The following KDM5C variants were observed in gnomAD, a reference collection of about 807,000 sequenced individuals.
KDM5C encodes lysine demethylase 5C.
A neutral mutation model predicts 110.6 loss-of-function variants in KDM5C; 16 were observed. The ratio of observed to expected loss-of-function variants is 0.14; its 90% CI spans 0.10 to 0.22. KDM5C has a LOEUF of 0.22. Ranked by LOEUF, KDM5C falls within the 10% of genes least tolerant of loss-of-function variation. The pLI, the probability that KDM5C is intolerant of heterozygous loss-of-function variation, is 1.00. For missense variants in KDM5C, 681 were observed against 1,300.9 expected, an observed-to-expected ratio of 0.52 and a Z score of 7.33; for synonymous variants, 511 against 520.4, an observed-to-expected ratio of 0.98 and a Z score of 0.24.
At chrX:53,208,146 A>G (rs2073413511) in intron 12 of KDM5C, among the ~76,000 whole-genome samples, 1 of 108,143 alleles carries the variant, frequency 9.2e-6, no homozygotes, top group African/African-American at 3.4e-5. Flanking sequence ...CATAAAAATC[A>G]CAGATACTTG....
Position 53,194,730 on chromosome X carries a change from G to A in KDM5C, c.3447C>T (p.Ala1149=). Reference sequence around the variant, plus strand: ...TCTCCTTCTGTTCCCCCTCCTTGAAGGCCACGATCTGCCATACCCAGGACA... The same window carrying A: ...TCTCCTTCTGTTCCCCCTCCTTGAAAGCCACGATCTGCCATACCCAGGACA... ...DLRDPGSVIV[A]FKEGEQKEKE... The change falls in exon 23 of 26, where the codon GCC becomes GCT. Residue 1149 remains alanine (A), a synonymous_variant. Coordinates refer to ENST00000375401, the MANE Select transcript of KDM5C (RefSeq NM_004187.5). 4 of 1,210,373 alleles carry A rather than the reference G, an allele frequency of 3.3e-6. No individual in the cohort carries two copies. The highest frequency in any genetic ancestry group is 4.5e-6 in the Non-Finnish European group (4 of 895,134).
At position 53,210,342 on chromosome X, in the gene KDM5C, C is replaced by T. The variant is rs782070281; in HGVS notation, c.1746+72G>A. ...GGGGCAGAATACAGATGACAACCAC[C>T]GCCACCACCACCATCACAAAGGACA... On this transcript the variant is annotated intron_variant, in intron 12 of 25. Transcript: ENST00000375401. 113 of 1,158,441 alleles carry T rather than the reference C, an allele frequency of 9.8e-5. No homozygotes were observed. In the African/African-American group the frequency reaches 1.7e-3, roughly 17 times the overall value.
Position 53,224,942 on chromosome X carries a change from A to C in KDM5C, c.-53T>G, listed in dbSNP as rs1405977013. The C allele has an allele frequency of 8.8e-7, 1 of 1,132,610 alleles. No individual in the cohort carries two copies. The allele number at this position is 1,132,610 out of a possible 1,213,427, so 93.3% of individuals were successfully genotyped here. A position where few individuals can be genotyped will look rare whatever the true frequency, so the allele number is the denominator to read the frequency against. The stretch of plus-strand genomic sequence containing the variant: ...CGGGAGGCTTGGACCGCCCTTAAGG[A>C]CTCATGGCGCCGCCGCTGTTTGAAG... On this transcript the variant is annotated 5_prime_UTR_variant, in exon 1 of 26. Transcript: ENST00000375401.
At position 53,196,753 on chromosome X, in the gene KDM5C, C is replaced by T. The variant is rs1193789155; in HGVS notation, c.2914G>A (p.Glu972Lys). Reference protein sequence around the residue: ...PSPAVDKAQAELQELLTIAER... With the variant: ...PSPAVDKAQAKLQELLTIAER... ...GCAATGGTCAGCAGTTCCTGCAGCT[C>T]GGCCTGGGCTTTATCCACAGCAGGG... Residue 972 changes from glutamate to lysine, a missense_variant, in exon 19 of 26, where the codon GAG becomes AAG. Around this residue, in one of 14 missense-constraint regions of KDM5C, gnomAD observed 66 missense variants for 162.9 expected, o/e 0.41. Coordinates refer to ENST00000375401, the MANE Select transcript of KDM5C (RefSeq NM_004187.5). 3 of 1,211,352 alleles carry T rather than the reference C, an allele frequency of 2.5e-6. No individual in the cohort carries two copies. The highest frequency in any genetic ancestry group is 1.7e-5 in the African/African-American group (1 of 57,587).
At chrX:53,186,135 T>C (rs111806492) in intron 25 of KDM5C, among the ~76,000 whole-genome samples, 2,299 of 111,670 alleles carry the variant, frequency 0.021, 47 homozygotes, top group African/African-American at 0.064. Context: ...CATGAAGTTT[T>C]GATCTGAGTC....
chrX:53,209,085 G>A (rs930969758), intron 12 of KDM5C, among the ~76,000 whole-genome samples: 2 of 110,755 alleles, frequency 1.8e-5, no homozygotes, highest in African/African-American at 3.3e-5. Flanking sequence ...CCAAAGTGCT[G>A]GGATTACAGG....
chrX:53,218,511 AG>A (rs2073810185), intron 2 of KDM5C, 113 bp from the exon 3 acceptor site: 1 of 885,240 alleles, frequency 1.1e-6, no homozygotes, highest in East Asian at 3.1e-5. Flanking sequence ...TTCACTACCC[AG>A]GGTTTCTCCC....
At chrX:53,191,266 A>C (rs1166269437), downstream of KDM5C, 2 of 169,459 alleles carry the variant, frequency 1.2e-5, no homozygotes, top group Non-Finnish European at 2.3e-5. Flanking sequence ...CTACTATGGG[A>C]CCATTAATGG....
chrX:53,194,222 G>T lies in KDM5C; in HGVS notation c.3955C>A (p.Pro1319Thr). ...TAGTTAGGAGGCTCCTCAGGTCTAG[G>T]TTCAGCCTGTAGCCGTTGGCGGAGC... Reference protein sequence around the residue: ...AELRQRLQAEPRPEEPPNYPA... With the variant: ...AELRQRLQAETRPEEPPNYPA... The change falls in exon 23 of 26, where the codon CCT (proline) becomes ACT (threonine). Residue 1319 changes from proline (P) to threonine (T), a missense_variant. Transcript: ENST00000375401. 8.3e-7 allele frequency: 1 copy of T among 1,211,739 alleles called. No individual in the cohort carries two copies. The highest frequency in any genetic ancestry group is 1.1e-6 in the Non-Finnish European group (1 of 895,298).
chrX:53,195,440 T>C (rs1388164317), intron 20 of KDM5C, 30 bp from the exon 21 acceptor site: 2 of 1,161,213 alleles, frequency 1.7e-6, no homozygotes, highest in Admixed American at 4.6e-5. Context: ...ACAGCTCAGT[T>C]CAACTTGCCA....
chrX:53,213,491 G>A (rs1192951964), intron 8 of KDM5C, among the ~76,000 whole-genome samples: 1 of 111,730 alleles, frequency 9.0e-6, no homozygotes, highest in Non-Finnish European at 1.9e-5. Flanking sequence ...GAGAATTTGG[G>A]TGAAGGTAGG....
chrX:53,183,870 G>A (rs1048974773), intron 25 of KDM5C, among the ~76,000 whole-genome samples: 3 of 111,806 alleles, frequency 2.7e-5, no homozygotes, highest in Non-Finnish European at 5.6e-5. Flanking sequence ...ACCGCACCCC[G>A]CTAGCTTTTT....
chrX:53,218,472 G>A, intron 2 of KDM5C, 74 bp from the exon 3 acceptor site: 5 of 1,099,809 alleles, frequency 4.5e-6, no homozygotes, highest in Non-Finnish European at 6.3e-6. Context: ...AGTCTTAGGG[G>A]AGAACAGAGG....
intron 12 of KDM5C, among the ~76,000 whole-genome samples, chrX:53,205,637 C>T (rs116253736): frequency 0.1 from 11,474 of 111,843 alleles, 1,427 homozygotes; most frequent in African/African-American, 0.36. Context: ...CAAAACCTTT[C>T]CTGATAACCC....
intron 12 of KDM5C, among the ~76,000 whole-genome samples, chrX:53,203,715 GTA>G (rs1165795780): frequency 9.2e-6 from 1 of 108,169 alleles, no homozygotes; most frequent in Non-Finnish European, 1.9e-5. Context: ...CCTAGCCTCT[GTA>G]TCTCCAAGTT....
At chrX:53,187,653 C>G (rs928380536), downstream of KDM5C, among the ~76,000 whole-genome samples, 50 of 111,541 alleles carry the variant, frequency 4.5e-4, no homozygotes, top group African/African-American at 1.5e-3. Context: ...GCCTGTAATC[C>G]CAGCACTTTG....
chrX:53,224,730 C>T lies in KDM5C; in HGVS notation c.150+10G>A. 2 of 1,211,556 alleles carry T rather than the reference C, an allele frequency of 1.7e-6. No homozygotes were observed. Among genetic ancestry groups the T allele is most frequent in the Non-Finnish European group, 2.2e-6 (2 of 895,182 alleles). Reference sequence around the variant, plus strand: ...TCTCGCCGCCGGCGAAAACCGGCCCCGGGGCTTACCGCGGGTGGGCGGATC... The same window carrying T: ...TCTCGCCGCCGGCGAAAACCGGCCCTGGGGCTTACCGCGGGTGGGCGGATC... On this transcript the variant is annotated intron_variant, in intron 1 of 25. Transcript: ENST00000375401.
chrX:53,191,102 T>C (rs1382882388), downstream of KDM5C, among the ~76,000 whole-genome samples: 2 of 111,790 alleles, frequency 1.8e-5, no homozygotes, highest in African/African-American at 6.5e-5. Flanking sequence ...AGGATCCCTT[T>C]ATGAATCTGA....
intron 19 of KDM5C, 37 bp downstream of exon 19, chrX:53,196,649 G>A: frequency 8.8e-7 from 1 of 1,140,778 alleles, no homozygotes; most frequent in South Asian, 1.8e-5. Context: ...TTGATGTTTG[G>A]AATAGGGCAG....
Sources: gnomAD v4.1 joint callset for allele counts (sites outside exome capture counted in the v4.1 genomes callset) on GRCh38, gnomAD v4.1.1 for gene constraint, gnomAD v4.1.1 regional missense constraint, MANE v1.5 for transcripts, NCBI Gene and HGNC (gene_info 2026-07-23, HGNC 2026-07-21) for gene names.